The following RBFOX3 variants were observed in gnomAD, a reference collection of about 807,000 sequenced individuals.
RBFOX3 encodes RNA binding protein fox-1 homolog 3.
Under a neutral mutation model 48.7 loss-of-function variants are expected in RBFOX3, and 17 were observed. The ratio of observed to expected loss-of-function variants is 0.35; its 90% CI spans 0.24 to 0.52. The LOEUF (loss-of-function observed/expected upper bound fraction) is 0.52. Ranked by LOEUF, RBFOX3 falls within the 20% of genes least tolerant of loss-of-function variation. The pLI is 0.94. For synonymous variants in RBFOX3, 212 were observed against 209.5 expected (o/e 1.01, Z -0.10); for missense variants, 382 against 497.5 (o/e 0.77, Z 2.21).
At chr17:79,614,213 A>T (rs2093985578), upstream of RBFOX3, among the ~76,000 whole-genome samples, 3 of 152,186 alleles carry the variant, frequency 2.0e-5, no homozygotes, top group South Asian at 2.1e-4. Context: ...GCCCCTCTGG[A>T]GGTTTATTCC....
At chr17:79,613,410 G>A (rs1332506856), upstream of RBFOX3, among the ~76,000 whole-genome samples, 1 of 152,264 alleles carries the variant, frequency 6.6e-6, no homozygotes, top group Non-Finnish European at 1.5e-5. Context: ...GATCTGGCCG[G>A]AAGAGAGTAA....
At chr17:79,446,513 A>G (rs2072327253) in intron 2 of RBFOX3, among the ~76,000 whole-genome samples, 2 of 152,152 alleles carry the variant, frequency 1.3e-5, no homozygotes, top group Admixed American at 1.3e-4. Flanking sequence ...AACGGGATGG[A>G]AGCAGCTCTC....
intron 1 of RBFOX3, among the ~76,000 whole-genome samples, chr17:79,593,911 G>A (rs972920958): frequency 2.0e-5 from 3 of 152,162 alleles, no homozygotes; most frequent in Non-Finnish European, 4.4e-5. Flanking sequence ...GGCACTTGTT[G>A]GGGGTGGGAG....
At position 79,089,691 on chromosome 17, in the gene RBFOX3, C is replaced by G. The variant is rs968875931; in HGVS notation, c.*1192G>C. The G allele has an allele frequency of 3.9e-5, 6 of 152,560 alleles. No individual in the cohort carries two copies. Among genetic ancestry groups the G allele is most frequent in the Non-Finnish European group, 8.8e-5 (6 of 68,048 alleles). The allele number at this position is 152,560 out of a possible 1,614,324, so 9.5% of individuals were successfully genotyped here. On this transcript the variant is annotated 3_prime_UTR_variant, in exon 15 of 15. Coordinates refer to ENST00000693108, the MANE Select transcript of RBFOX3 (RefSeq NM_001350451.2). ...TGAGACAGTGGAGCCACGTTGGGAG[C>G]CTGTATTTTTTGCTGCTTCCCTACT... is the stretch of plus-strand genomic sequence containing the variant.
At chr17:79,441,160 A>G (rs2070828888) in intron 2 of RBFOX3, among the ~76,000 whole-genome samples, 1 of 152,214 alleles carries the variant, frequency 6.6e-6, no homozygotes, top group Non-Finnish European at 1.5e-5. Flanking sequence ...CAGGGTCATC[A>G]GGAGAGGGAA....
chr17:79,367,295 TC>T (rs1262160937), intron 2 of RBFOX3, among the ~76,000 whole-genome samples: 2 of 102,966 alleles, frequency 1.9e-5, no homozygotes, highest in Non-Finnish European at 1.9e-5. Flanking sequence ...CCCCTCCTCC[TC>T]CCTCTCCTCT....
intron 1 of RBFOX3, among the ~76,000 whole-genome samples, chr17:79,609,928 G>A (rs994730151): frequency 1.1e-4 from 17 of 151,942 alleles, no homozygotes; most frequent in African/African-American, 4.1e-4. Context: ...ACCGCCCGGG[G>A]CCACCAGGGC....
chr17:79,575,909 C>T (rs974418420), intron 1 of RBFOX3, among the ~76,000 whole-genome samples: 2 of 152,200 alleles, frequency 1.3e-5, no homozygotes, highest in Non-Finnish European at 2.9e-5. Flanking sequence ...AACCAAACTT[C>T]CAAGCAAAAG....
intron 4 of RBFOX3, among the ~76,000 whole-genome samples, chr17:79,145,239 T>C (rs763980321): frequency 6.6e-6 from 1 of 152,106 alleles, no homozygotes; most frequent in Non-Finnish European, 1.5e-5. Context: ...CCTATCCGAG[T>C]GTGCACCTGC....
chr17:79,090,764 G>C lies in RBFOX3; in HGVS notation c.*119C>G. 1 of 1,256,652 alleles carries C rather than the reference G, an allele frequency of 8.0e-7. No individual in the cohort carries two copies. The highest frequency in any genetic ancestry group is 2.6e-5 in the East Asian group (1 of 38,834). 77.8% of individuals were successfully genotyped at this position (1,256,652 alleles called of 1,614,324 possible). A position where few individuals can be genotyped will look rare whatever the true frequency, so the allele number is the denominator to read the frequency against. On this transcript the variant is annotated 3_prime_UTR_variant, in exon 15 of 15. Coordinates refer to ENST00000693108, the MANE Select transcript of RBFOX3 (RefSeq NM_001350451.2). ...GACTTGGTTGGATGCCTCTTGGTTT[G>C]GTTGGTTTTTTTTTTGTTGCTTGGA...
intron 2 of RBFOX3, among the ~76,000 whole-genome samples, chr17:79,441,518 A>G (rs2070910264): frequency 6.6e-6 from 1 of 152,202 alleles, no homozygotes; most frequent in Admixed American, 6.5e-5. Context: ...CCTTGAGCTG[A>G]GGAATCCCAG....
chr17:79,237,236 C>G (rs950673995), intron 3 of RBFOX3, among the ~76,000 whole-genome samples: 2 of 152,196 alleles, frequency 1.3e-5, no homozygotes, highest in African/African-American at 4.8e-5. Flanking sequence ...GACTGGGCCT[C>G]TTTCTTCAGA....
At chr17:79,599,117 A>C (rs1171223320) in intron 1 of RBFOX3, 1 of 152,174 alleles carries the variant, frequency 6.6e-6, no homozygotes, top group Non-Finnish European at 1.5e-5. Context: ...AGGATCCCAA[A>C]TATTCATCCC....
chr17:79,622,798 G>T, the RBFOX3 span, among the ~76,000 whole-genome samples: 1 of 152,158 alleles, frequency 6.6e-6, no homozygotes, highest in African/African-American at 2.4e-5. Flanking sequence ...GAGTTAGGAC[G>T]GCACCATATA....
At chr17:79,557,475 G>C (rs889287293) in intron 1 of RBFOX3, among the ~76,000 whole-genome samples, 1 of 152,010 alleles carries the variant, frequency 6.6e-6, no homozygotes, top group African/African-American at 2.4e-5. Flanking sequence ...CAGTCTCTGA[G>C]ATGATGGAAC....
At chr17:79,652,594 G>A in the RBFOX3 span, among the ~76,000 whole-genome samples, 163 of 23,726 alleles carry the variant, frequency 6.9e-3, no homozygotes, top group South Asian at 9.9e-3. Flanking sequence ...GAGGAGAGGA[G>A]AGGAGAGGAA....
intron 1 of RBFOX3, among the ~76,000 whole-genome samples, chr17:79,548,569 G>A (rs782199218): frequency 1.3e-5 from 2 of 152,268 alleles, no homozygotes; most frequent in Non-Finnish European, 2.9e-5. Flanking sequence ...TCCGAGAAGT[G>A]CAGCTCTTGA....
rs924821439 is a variant in RBFOX3, at chr17:79,214,105, A to G, written c.-34+21661T>C. Reference sequence around the variant, plus strand: ...CAGCTCTGGTAGGAGGGACTGAAATAAATGGAGTCAAGTGAACTTCTTTGG... The same window carrying G: ...CAGCTCTGGTAGGAGGGACTGAAATGAATGGAGTCAAGTGAACTTCTTTGG... On this transcript the variant is annotated intron_variant, in intron 4 of 14. Transcript: ENST00000693108. This position sits in a 1 kb window ranked among gnomAD's most constrained non-coding sequence, Gnocchi z 4.7. 2.0e-5 allele frequency among the ~76,000 whole-genome samples: 3 copies of G among 152,154 alleles called. No homozygotes were observed. The highest frequency in any genetic ancestry group is 7.2e-5 in the African/African-American group (3 of 41,426).
intron 2 of RBFOX3, among the ~76,000 whole-genome samples, chr17:79,320,706 A>G (rs181510260): frequency 9.8e-4 from 148 of 151,006 alleles, no homozygotes; most frequent in Non-Finnish European, 1.5e-3. Context: ...AGAGCCCTCA[A>G]CTAAAACCAG....
Sources: gnomAD v4.1 joint callset for allele counts (sites outside exome capture counted in the v4.1 genomes callset) on GRCh38, gnomAD v4.1.1 for gene constraint, Gnocchi (gnomAD v3.1) non-coding constraint, MANE v1.5 for transcripts, NCBI Gene and HGNC (gene_info 2026-07-23, HGNC 2026-07-21) for gene names.